Variants in GRK6 observed in about 807,000 individuals in gnomAD.
GRK6 encodes the protein G protein-coupled receptor kinase 6.
In GRK6, 37 loss-of-function variants were observed where a neutral mutation model predicts 80.8. The observed-to-expected ratio is 0.46, with a 90% CI of 0.35 to 0.60. The LOEUF is 0.60. Among genes scored for constraint, GRK6 ranks in the 20% least tolerant of loss-of-function variants. GRK6 has a pLI of 0.00. For missense variants in GRK6, 560 were observed against 784.6 expected, an observed-to-expected ratio of 0.71 and a Z score of 3.42; for synonymous variants, 295 against 320.9, an observed-to-expected ratio of 0.92 and a Z score of 0.86.
At chr5:177,434,776 G>A (rs969661238) in intron 9 of GRK6, 126 bp from the exon 10 acceptor site, 6 of 1,007,640 alleles carry the variant, frequency 6.0e-6, no homozygotes, top group South Asian at 2.8e-5. Flanking sequence ...TGTCGCCCTG[G>A]CAGCAAATGA....
At chr5:177,440,305 C>T (rs1245548507) in intron 13 of GRK6, among the ~76,000 whole-genome samples, 1 of 152,200 alleles carries the variant, frequency 6.6e-6, no homozygotes, top group Non-Finnish European at 1.5e-5. Flanking sequence ...CCCAGGTCAT[C>T]GCAGGGCGGG....
intron 1 of GRK6, among the ~76,000 whole-genome samples, chr5:177,430,214 C>A (rs1763828295): frequency 6.6e-6 from 1 of 152,352 alleles, no homozygotes; most frequent in East Asian, 1.9e-4. Context: ...GGTCATCTCA[C>A]ATCTGGCCCA....
chr5:177,432,180 A>ATGGAGG, intron 3 of GRK6, 53 bp from the exon 4 acceptor site: 1 of 1,611,728 alleles, frequency 6.2e-7, no homozygotes, highest in Non-Finnish European at 8.5e-7. Context: ...TCCTCCCCAC[A>ATGGAGG]CCTGCTGCTT....
Position 177,428,503 on chromosome 5 carries a change from C to T in GRK6, c.52+1606C>T, listed in dbSNP as rs1323172648. The stretch of plus-strand genomic sequence containing the variant: ...GGAGTGCAGGGCTCACTGCAACCTC[C>T]GCCTCCTGGGTTCAAGTGACTCTCC... On this transcript the variant is annotated intron_variant, in intron 1 of 15. Coordinates refer to ENST00000355472, the MANE Select transcript of GRK6 (RefSeq NM_001004106.3). The surrounding 1 kb of genome is among the most constrained non-coding windows in gnomAD (Gnocchi z 4.1). Among the ~76,000 whole-genome samples, 2 of 152,150 alleles carry T rather than the reference C, an allele frequency of 1.3e-5. No individual in the cohort carries two copies. The highest frequency in any genetic ancestry group is 2.4e-5 in the African/African-American group (1 of 41,444).
intron 11 of GRK6, among the ~76,000 whole-genome samples, chr5:177,435,559 A>G (rs1764104303): frequency 6.6e-6 from 1 of 152,044 alleles, no homozygotes; most frequent in Non-Finnish European, 1.5e-5. Flanking sequence ...GTGGCCTTGA[A>G]CCAGACACTC....
rs1489495760 is a variant in GRK6 at position 177,440,772 on chromosome 5, C to G, written c.1477C>G (p.Pro493Ala). Residue 493 changes from proline (P) to alanine (A), a missense_variant, in exon 14 of 16, where the codon CCT becomes GCT. Physicochemically the swap from Pro to Ala is conservative, Grantham distance 27. Transcript: ENST00000355472. ...FSTVKGVELEPTDQDFYQKFA... is the reference protein window; with the variant it reads ...FSTVKGVELEATDQDFYQKFA... ...TACGGTCAAGGGCGTGGAGCTGGAG[C>G]CTACCGACCAGGACTTCTACCAGAA... 6.2e-7 allele frequency: 1 copy of G among 1,614,088 alleles called. No individual in the cohort carries two copies. Among genetic ancestry groups the G allele is most frequent in the Non-Finnish European group, 8.5e-7 (1 of 1,180,046 alleles).
Position 177,428,660 on chromosome 5 carries a change from G to A in GRK6, c.52+1763G>A, listed in dbSNP as rs1225891318. On this transcript the variant is annotated intron_variant, in intron 1 of 15. Coordinates refer to ENST00000355472, the MANE Select transcript of GRK6 (RefSeq NM_001004106.3). The surrounding 1 kb of genome is among the most constrained non-coding windows in gnomAD (Gnocchi z 4.1). ...TTGAACTCCTGACCTCAAGTGATCC[G>A]CCTGCCTCTGGCCTCCCTAATTGCT... Among the ~76,000 whole-genome samples, 1 of 152,130 alleles carries A rather than the reference G, an allele frequency of 6.6e-6. No homozygotes were observed. The highest frequency in any genetic ancestry group is 6.5e-5 in the Admixed American group (1 of 15,276).
chr5:177,437,262 A>G (rs755454769), intron 13 of GRK6, among the ~76,000 whole-genome samples: 94 of 152,284 alleles, frequency 6.2e-4, no homozygotes, highest in Non-Finnish European at 1.1e-3. Context: ...CCCTTGCCCA[A>G]TAATTTCAAA....
rs759050601 is a variant in GRK6, at chr5:177,429,776, G to A, written c.53-1096G>A. 3.3e-5 allele frequency among the ~76,000 whole-genome samples: 5 copies of A among 152,186 alleles called. No homozygotes were observed. Among genetic ancestry groups the A allele is most frequent in the Admixed American group, 6.5e-5 (1 of 15,280 alleles). On this transcript the variant is annotated intron_variant, in intron 1 of 15. Transcript: ENST00000355472. This position sits in a 1 kb window ranked among gnomAD's most constrained non-coding sequence, Gnocchi z 4.3. The stretch of plus-strand genomic sequence containing the variant: ...AGTGGTTGTCTAAGGTTGCCATGGC[G>A]TTGTTGGAGTTGGGGTTCACCTCTT...
chr5:177,435,367 T>C (rs1054743367), intron 11 of GRK6, among the ~76,000 whole-genome samples: 5 of 152,254 alleles, frequency 3.3e-5, no homozygotes, highest in African/African-American at 4.8e-5. Flanking sequence ...TGCAGGTGGC[T>C]ACCGGGGGAT....
Position 177,434,036 on chromosome 5 carries a change from G to C in GRK6, c.861G>C (p.Arg287=). 6.2e-7 allele frequency: 1 copy of C among 1,611,618 alleles called. No homozygotes were observed. The highest frequency in any genetic ancestry group is 8.5e-7 in the Non-Finnish European group (1 of 1,179,304). The change falls in exon 9 of 16, where the codon CGG becomes CGC. Residue 287 remains arginine, a synonymous_variant. Coordinates refer to ENST00000355472, the MANE Select transcript of GRK6 (RefSeq NM_001004106.3). The part of the protein sequence containing the change: ...HMGQAGFPEA[R]AVFYAAEICC... Reference sequence around the variant, plus strand: ...GCCAGGCTGGCTTCCCCGAAGCGCGGGCCGTCTTCTACGCCGCCGAGATCT... The same window carrying C: ...GCCAGGCTGGCTTCCCCGAAGCGCGCGCCGTCTTCTACGCCGCCGAGATCT...
At chr5:177,434,143 C>T in intron 9 of GRK6, 39 bp downstream of exon 9, 1 of 1,492,286 alleles carries the variant, frequency 6.7e-7, no homozygotes, top group Non-Finnish European at 8.9e-7. Context: ...TTAGTCCTTC[C>T]CTGCCAGCGA....
intron 13 of GRK6, among the ~76,000 whole-genome samples, chr5:177,439,114 G>A (rs1394796999): frequency 6.6e-6 from 1 of 152,242 alleles, no homozygotes; most frequent in Admixed American, 6.5e-5. Flanking sequence ...CAAAGTCGGA[G>A]ATAAAATCAG....
chr5:177,440,789 C>A lies in GRK6; in HGVS notation c.1494C>A (p.Phe498Leu). The A allele has an allele frequency of 6.2e-7, 1 of 1,614,208 alleles. No homozygotes were observed. The highest frequency in any genetic ancestry group is 8.5e-7 in the Non-Finnish European group (1 of 1,180,042). The change falls in exon 14 of 16, where the codon TTC becomes TTA. Residue 498 changes from phenylalanine (F) to leucine (L), a missense_variant. Coordinates refer to ENST00000355472, the MANE Select transcript of GRK6 (RefSeq NM_001004106.3). ...AGCTGGAGCCTACCGACCAGGACTT[C>A]TACCAGAAGTTTGCCACAGGCAGTG... The part of the protein sequence containing the change: ...GVELEPTDQD[F>L]YQKFATGSVP...
chr5:177,440,790 T>A lies in GRK6; in HGVS notation c.1495T>A (p.Tyr499Asn). 1 of 1,614,210 alleles carries A rather than the reference T, an allele frequency of 6.2e-7. No individual in the cohort carries two copies. The highest frequency in any genetic ancestry group is 8.5e-7 in the Non-Finnish European group (1 of 1,180,048). ...VELEPTDQDFYQKFATGSVPI... is the reference protein window; with the variant it reads ...VELEPTDQDFNQKFATGSVPI... ...GCTGGAGCCTACCGACCAGGACTTC[T>A]ACCAGAAGTTTGCCACAGGCAGTGT... Residue 499 changes from tyrosine to asparagine, a missense_variant, in exon 14 of 16, where the codon TAC becomes AAC. Around this residue, in one of 3 missense-constraint regions of GRK6, gnomAD observed 294 missense variants for 397.4 expected, o/e 0.74. Transcript: ENST00000355472.
intron 13 of GRK6, chr5:177,438,429 C>G (rs551591518): frequency 2.0e-5 from 3 of 151,602 alleles, no homozygotes; most frequent in African/African-American, 7.3e-5. Context: ...GGGGGGAGCG[C>G]TTTTAGACAC....
At chr5:177,435,204 G>A in intron 11 of GRK6, 83 bp downstream of exon 11, 1 of 1,028,584 alleles carries the variant, frequency 9.7e-7, no homozygotes, top group Non-Finnish European at 1.4e-6. Flanking sequence ...CTGTCTGGGA[G>A]TCTTCTCTCA....
At chr5:177,432,586 G>A in intron 4 of GRK6, 120 bp from the exon 5 acceptor site, 2 of 765,658 alleles carry the variant, frequency 2.6e-6, no homozygotes, top group Non-Finnish European at 4.3e-6. Flanking sequence ...CAGGCTGGCT[G>A]GCACACCCTG....
rs190114174 is a variant in GRK6 at position 177,442,231 on chromosome 5, C to T, written c.*441C>T. ...GAGGGTGGTCACACCCCTGAGCCTT[C>T]AGCACTGTGCTGGCCACCCCGGCCT... On this transcript the variant is annotated 3_prime_UTR_variant, in exon 16 of 16. Coordinates refer to ENST00000355472, the MANE Select transcript of GRK6 (RefSeq NM_001004106.3). The T allele has an allele frequency of 4.8e-6, 1 of 209,740 alleles. No homozygotes were observed. The highest frequency in any genetic ancestry group is 2.4e-5 in the African/African-American group (1 of 42,232). The allele number at this position is 209,740 out of a possible 1,614,324, so 13.0% of individuals were successfully genotyped here.
Sources: gnomAD v4.1 joint callset for allele counts (sites outside exome capture counted in the v4.1 genomes callset) on GRCh38, gnomAD v4.1.1 for gene constraint, gnomAD v4.1.1 regional missense constraint, Gnocchi (gnomAD v3.1) non-coding constraint, MANE v1.5 for transcripts, NCBI Gene and HGNC (gene_info 2026-07-23, HGNC 2026-07-21) for gene names.